SSU72: variants seen among roughly 807,000 people sequenced by gnomAD.
SSU72 encodes the protein RNA polymerase II subunit A C-terminal domain phosphatase SSU72.
A neutral mutation model predicts 22.7 loss-of-function variants in SSU72; 12 were observed. The ratio of observed to expected loss-of-function variants is 0.53; its 90% CI spans 0.34 to 0.86. The LOEUF (loss-of-function observed/expected upper bound fraction) is 0.86, where lower values mean the gene tolerates loss of function less well. Among genes scored for constraint, SSU72 ranks in the 40% least tolerant of loss-of-function variants. The probability of loss-of-function intolerance (pLI) is 0.02; values close to 1 mark genes in which losing one functional copy is unlikely to be tolerated. For missense variants in SSU72, 151 were observed against 249.8 expected (o/e 0.60, Z 2.67); for synonymous variants, 116 against 98.3 (o/e 1.18, Z -1.06).
chr1:1,544,757 C>T lies in SSU72; in HGVS notation c.364+106G>A, dbSNP rs770207348. The T allele has an allele frequency of 3.9e-6, 6 of 1,548,496 alleles. No individual in the cohort carries two copies. The South Asian group carries it at 4.5e-5, about 12-fold the overall frequency. On this transcript the variant is annotated intron_variant, in intron 3 of 4. Transcript: ENST00000291386. ...TCACACTCAGGTCTGCTCCCCGGCC[C>T]CCGCCACTCTAGACGGGCTGTACTG...
At chr1:1,558,236 G>C (rs1196412496) in intron 2 of SSU72, among the ~76,000 whole-genome samples, 1 of 151,212 alleles carries the variant, frequency 6.6e-6, no homozygotes, top group East Asian at 1.9e-4. Context: ...GCATGGCATA[G>C]GCCTCTGGTC....
intron 2 of SSU72, among the ~76,000 whole-genome samples, chr1:1,559,576 T>C (rs183342033): frequency 3.3e-5 from 5 of 152,282 alleles, no homozygotes; most frequent in African/African-American, 1.2e-4. Flanking sequence ...GGTCCAGGTA[T>C]ATACACTACT....
Position 1,542,201 on chromosome 1 carries a change from C to T in SSU72, c.484-34G>A, listed in dbSNP as rs1383500919. The T allele has an allele frequency of 1.3e-6, 2 of 1,548,772 alleles. No homozygotes were observed. Among genetic ancestry groups the T allele is most frequent in the Non-Finnish European group, 1.8e-6 (2 of 1,142,752 alleles). ...ACAGGACCGTGGTGAGGGCCTTGCCCACTCCTGCCTGTCTGCTCCCCCTAA... is the reference window on the plus strand; with the variant it reads ...ACAGGACCGTGGTGAGGGCCTTGCCTACTCCTGCCTGTCTGCTCCCCCTAA... On this transcript the variant is annotated intron_variant, in intron 4 of 4. Coordinates refer to ENST00000291386, the MANE Select transcript of SSU72 (RefSeq NM_014188.3). This position sits in a 1 kb window ranked among gnomAD's most constrained non-coding sequence, Gnocchi z 4.4.
At position 1,542,281 on chromosome 1, in the gene SSU72, G is replaced by A. The variant is rs1642331601; in HGVS notation, c.484-114C>T. 2 of 1,007,288 alleles carry A rather than the reference G, an allele frequency of 2.0e-6. No individual in the cohort carries two copies. Among genetic ancestry groups the A allele is most frequent in the Admixed American group, 2.1e-5 (1 of 47,418 alleles). 62.4% of individuals were successfully genotyped at this position (1,007,288 alleles called of 1,614,324 possible). On this transcript the variant is annotated intron_variant, in intron 4 of 4. Transcript: ENST00000291386. The surrounding 1 kb of genome is among the most constrained non-coding windows in gnomAD (Gnocchi z 4.4). The stretch of plus-strand genomic sequence containing the variant: ...TGAGCCAGCAGAAACCAGCGCAGCA[G>A]GCAGGCCCTCACCCCACCGCTGCTG...
intron 1 of SSU72, among the ~76,000 whole-genome samples, chr1:1,566,590 C>T (rs1417585814): frequency 6.6e-6 from 1 of 152,150 alleles, no homozygotes; most frequent in Non-Finnish European, 1.5e-5. Context: ...CGGTGGCTCA[C>T]GCCTGTAGTT....
At chr1:1,560,379 C>T (rs1166986436) in intron 2 of SSU72, among the ~76,000 whole-genome samples, 1 of 152,130 alleles carries the variant, frequency 6.6e-6, no homozygotes, top group East Asian at 1.9e-4. Context: ...CTCCTGGGCT[C>T]AACTGAGCCT....
At chr1:1,544,155 CT>C (rs1337848723) in intron 3 of SSU72, among the ~76,000 whole-genome samples, 168 bp from the exon 4 acceptor site, 1 of 152,222 alleles carries the variant, frequency 6.6e-6, no homozygotes, top group Non-Finnish European at 1.5e-5. Context: ...CCGAAGGCGG[CT>C]GATGGTTCGA....
chr1:1,542,308 C>T lies in SSU72; in HGVS notation c.484-141G>A, dbSNP rs1642331911. On this transcript the variant is annotated intron_variant, in intron 4 of 4. Transcript: ENST00000291386. This position sits in a 1 kb window ranked among gnomAD's most constrained non-coding sequence, Gnocchi z 4.4. Reference sequence around the variant, plus strand: ...CAGGCCCTCACCCCACCGCTGCTGCCTCACAAGGACGGCCGGAGGCTGCAG... The same window carrying T: ...CAGGCCCTCACCCCACCGCTGCTGCTTCACAAGGACGGCCGGAGGCTGCAG... The T allele has an allele frequency of 2.6e-6, 2 of 764,776 alleles. No homozygotes were observed. The highest frequency in any genetic ancestry group is 3.5e-5 in the African/African-American group (2 of 57,266). The allele number at this position is 764,776 out of a possible 1,614,324, so 47.4% of individuals were successfully genotyped here. A position where few individuals can be genotyped will look rare whatever the true frequency, so the allele number is the denominator to read the frequency against.
chr1:1,559,368 T>C (rs1387881866), intron 2 of SSU72, among the ~76,000 whole-genome samples: 1 of 152,074 alleles, frequency 6.6e-6, no homozygotes, highest in Non-Finnish European at 1.5e-5. Context: ...CAAAACCAAT[T>C]GTGGTGACGG....
intron 2 of SSU72, among the ~76,000 whole-genome samples, chr1:1,559,160 GAA>G (rs1642554898): frequency 6.6e-6 from 1 of 152,228 alleles, no homozygotes; most frequent in South Asian, 2.1e-4. Context: ...CTGGGACTTA[GAA>G]ATAGTTCCAC....
In SSU72 at chr1:1,564,876, G is replaced by T; in HGVS notation, c.121C>A (p.His41Asn). ...FSVRSFGTGT[H>N]VKLPGPAPDK... ...GGAGCTGGTCCTGGAAGCTTCACGT[G>T]AGTCCCTGTTCCAAAGGATCGGACG... Residue 41 changes from histidine to asparagine, a missense_variant, in exon 2 of 5, where the codon CAC becomes AAC. His to Asn is a moderately conservative substitution (Grantham distance 68). Coordinates refer to ENST00000291386, the MANE Select transcript of SSU72 (RefSeq NM_014188.3). The T allele has an allele frequency of 6.2e-7, 1 of 1,613,828 alleles. No homozygotes were observed. The highest frequency in any genetic ancestry group is 8.5e-7 in the Non-Finnish European group (1 of 1,179,896).
At chr1:1,570,192 G>A (rs1434803626) in intron 1 of SSU72, among the ~76,000 whole-genome samples, 2 of 151,518 alleles carry the variant, frequency 1.3e-5, no homozygotes, top group Non-Finnish European at 2.9e-5. Flanking sequence ...GCTTTGGGGC[G>A]CTGAGGCAGG....
In SSU72 at chr1:1,554,839, C is replaced by T. The variant is rs1378558553; in HGVS notation, c.225-9837G>A. On this transcript the variant is annotated intron_variant, in intron 2 of 4. Coordinates refer to ENST00000291386, the MANE Select transcript of SSU72 (RefSeq NM_014188.3). The surrounding 1 kb of genome is among the most constrained non-coding windows in gnomAD (Gnocchi z 4.1). Reference sequence around the variant, plus strand: ...ACCATCCTGGGTTCCCTGCTGCCGGCGCCAGCCCCACGTACCCCCGACCAC... The same window carrying T: ...ACCATCCTGGGTTCCCTGCTGCCGGTGCCAGCCCCACGTACCCCCGACCAC... Among the ~76,000 whole-genome samples the T allele has an allele frequency of 1.3e-5, 2 of 152,180 alleles. No homozygotes were observed. The highest frequency in any genetic ancestry group is 1.9e-4 in the East Asian group (1 of 5,180).
chr1:1,565,341 C>G (rs902613778), intron 1 of SSU72, among the ~76,000 whole-genome samples: 1 of 152,200 alleles, frequency 6.6e-6, no homozygotes, highest in African/African-American at 2.4e-5. Context: ...CCACTGCACT[C>G]CAGCCTGGGC....
In SSU72 at chr1:1,542,141, G is replaced by A. The variant is rs764744862; in HGVS notation, c.510C>T (p.Asn170=). 8 of 1,591,450 alleles carry A rather than the reference G, an allele frequency of 5.0e-6. No homozygotes were observed. The highest frequency in any genetic ancestry group is 4.5e-5 in the East Asian group (2 of 44,152). The change falls in exon 5 of 5, where the codon AAC becomes AAT. Residue 170 remains asparagine (N), a synonymous_variant. Coordinates refer to ENST00000291386, the MANE Select transcript of SSU72 (RefSeq NM_014188.3). This position sits in a 1 kb window ranked among gnomAD's most constrained non-coding sequence, Gnocchi z 4.4. ...ACTCCTGCAGCAGCTCGTCGATCTC[G>A]TTCTCCATGTCTTCCGTGTGCTGGA... ...QCIQHTEDME[N]EIDELLQEFE...
intron 1 of SSU72, among the ~76,000 whole-genome samples, chr1:1,571,957 G>A (rs1642736483): frequency 6.6e-6 from 1 of 151,162 alleles, no homozygotes; most frequent in Non-Finnish European, 1.5e-5. Context: ...ACTATGCCGG[G>A]GTCATTTTTT....
chr1:1,572,217 G>A (rs1400757335), intron 1 of SSU72, among the ~76,000 whole-genome samples: 1 of 147,218 alleles, frequency 6.8e-6, no homozygotes, highest in South Asian at 2.3e-4. Context: ...CACGAGGTCA[G>A]GAGATCGAGA....
At chr1:1,567,161 C>A (rs568946985) in intron 1 of SSU72, among the ~76,000 whole-genome samples, 2 of 152,222 alleles carry the variant, frequency 1.3e-5, no homozygotes, top group Admixed American at 6.5e-5. Context: ...CGGCTCCACG[C>A]GCACCTCCGA....
chr1:1,569,065 G>A (rs757077889), intron 1 of SSU72, among the ~76,000 whole-genome samples: 1 of 151,792 alleles, frequency 6.6e-6, no homozygotes, highest in Non-Finnish European at 1.5e-5. Context: ...TCCCAGCTAC[G>A]CAGGAGGCTG....
Sources: allele counts gnomAD v4.1 joint callset (sites outside exome capture counted in the v4.1 genomes callset), GRCh38; gene constraint gnomAD v4.1.1; non-coding constraint Gnocchi (gnomAD v3.1); transcripts MANE v1.5; gene names NCBI Gene and HGNC (gene_info 2026-07-23, HGNC 2026-07-21).